The following CIMIP5 variants were observed in gnomAD, a reference collection of about 807,000 sequenced individuals.
CIMIP5 encodes ciliary microtubule inner protein 5, also known as uncharacterized protein C2orf50.
the CIMIP5 span, chr2:11,133,282 T>C: frequency 3.3e-6 from 1 of 302,996 alleles, no homozygotes. Context: ...CAGGCACAGG[T>C]CTCTCTCTCT....
At chr2:11,133,293 C>CTCTG in the CIMIP5 span, 5 of 1,543,432 alleles carry the variant, frequency 3.2e-6, no homozygotes, top group Non-Finnish European at 4.3e-6. Context: ...CTCTCTCTCT[C>CTCTG]TCTCTCTGAC....
chr2:11,144,388 G>A, the CIMIP5 span: 1 of 251,520 alleles, frequency 4.0e-6, no homozygotes, highest in South Asian at 1.7e-4. Flanking sequence ...CCTGCATTGT[G>A]GTCAGGAGCA....
At chr2:11,143,955 T>A in the CIMIP5 span, 72 of 1,602,506 alleles carry the variant, frequency 4.5e-5, no homozygotes, top group Non-Finnish European at 5.7e-5. Flanking sequence ...TGCCAGACCA[T>A]GTGCCTCTCT....
chr2:11,137,405 G>A, the CIMIP5 span, among the ~76,000 whole-genome samples: 3 of 152,024 alleles, frequency 2.0e-5, no homozygotes, highest in Non-Finnish European at 4.4e-5. Context: ...AGAACTTGTA[G>A]AAATAAAAAT....
the CIMIP5 span, among the ~76,000 whole-genome samples, chr2:11,153,251 G>T: frequency 4.6e-5 from 7 of 152,196 alleles, no homozygotes; most frequent in African/African-American, 1.7e-4. Context: ...CCCAGAGCAG[G>T]CGGCTGCAGT....
At chr2:11,146,016 C>T in the CIMIP5 span, 1 of 152,066 alleles carries the variant, frequency 6.6e-6, no homozygotes, top group Non-Finnish European at 1.5e-5. Context: ...AAATAAAATC[C>T]CGAACATACA....
At chr2:11,148,132 T>TC in the CIMIP5 span, among the ~76,000 whole-genome samples, 1 of 151,344 alleles carries the variant, frequency 6.6e-6, no homozygotes, top group African/African-American at 2.4e-5. Context: ...TTTTTTTTTT[T>TC]GAGATGGAGT....
chr2:11,143,671 C>T, the CIMIP5 span, among the ~76,000 whole-genome samples: 1 of 151,812 alleles, frequency 6.6e-6, no homozygotes, highest in Non-Finnish European at 1.5e-5. Flanking sequence ...TTGATCTCTG[C>T]AGGTCGCAGC....
At chr2:11,148,838 G>T in the CIMIP5 span, among the ~76,000 whole-genome samples, 386 of 149,100 alleles carry the variant, frequency 2.6e-3, 1 homozygote, top group Non-Finnish European at 4.6e-3. Context: ...GGGTTCAAGC[G>T]ATTCTCCTGC....
the CIMIP5 span, among the ~76,000 whole-genome samples, chr2:11,151,564 GC>G: frequency 6.6e-6 from 1 of 152,242 alleles, no homozygotes; most frequent in Non-Finnish European, 1.5e-5. Context: ...GGAGATTGGA[GC>G]TTAATTATTA....
chr2:11,148,908 ATT>A, the CIMIP5 span, among the ~76,000 whole-genome samples: 1 of 151,504 alleles, frequency 6.6e-6, no homozygotes, highest in Non-Finnish European at 1.5e-5. Context: ...TAATTTTTGT[ATT>A]TTTAGTAGAG....
the CIMIP5 span, among the ~76,000 whole-genome samples, chr2:11,140,734 A>T: frequency 1.3e-5 from 2 of 152,218 alleles, no homozygotes; most frequent in Non-Finnish European, 2.9e-5. Flanking sequence ...TACATGAAGC[A>T]TTTAGAAATG....
chr2:11,143,568 CAAA>C, the CIMIP5 span, among the ~76,000 whole-genome samples: 3 of 104,572 alleles, frequency 2.9e-5, no homozygotes, highest in South Asian at 3.0e-4. Flanking sequence ...ACAAATTTAC[CAAA>C]AAAAAAAAAA....
At chr2:11,136,720 C>T in the CIMIP5 span, among the ~76,000 whole-genome samples, 5 of 152,146 alleles carry the variant, frequency 3.3e-5, no homozygotes, top group Admixed American at 3.3e-4. Flanking sequence ...TATTAAAAGT[C>T]ATTTAATTGT....
chr2:11,133,150 G>A, the CIMIP5 span: 1 of 609,726 alleles, frequency 1.6e-6, no homozygotes, highest in African/African-American at 1.9e-5. Flanking sequence ...CCAGCCCGGA[G>A]AGCCCTGTCC....
At chr2:11,149,523 T>C in the CIMIP5 span, among the ~76,000 whole-genome samples, 1 of 152,028 alleles carries the variant, frequency 6.6e-6, no homozygotes, top group Non-Finnish European at 1.5e-5. Context: ...CTGTACAACA[T>C]GCTGAAACCG....
At chr2:11,144,316 C>T in the CIMIP5 span, 1 of 387,658 alleles carries the variant, frequency 2.6e-6, no homozygotes, top group East Asian at 4.0e-5. Context: ...GTAACTGGTC[C>T]ACGGCCGTAC....
the CIMIP5 span, among the ~76,000 whole-genome samples, chr2:11,148,694 C>G: frequency 1.0e-3 from 149 of 147,216 alleles, no homozygotes; most frequent in Middle Eastern, 3.5e-3. Flanking sequence ...TGGGTTCATA[C>G]CAATAATTTT....
chr2:11,143,181 A>G, the CIMIP5 span, among the ~76,000 whole-genome samples: 2 of 146,810 alleles, frequency 1.4e-5, no homozygotes, highest in African/African-American at 5.4e-5. Context: ...AGTTCACACC[A>G]TGGAGTACAG....
Sources: allele counts gnomAD v4.1 joint callset (sites outside exome capture counted in the v4.1 genomes callset), GRCh38; gene constraint gnomAD v4.1.1; transcripts MANE v1.5; gene names NCBI Gene and HGNC (gene_info 2026-07-23, HGNC 2026-07-21).